Variants in MNDA observed in about 807,000 individuals in gnomAD.
MNDA encodes myeloid cell nuclear differentiation antigen.
MNDA carries 43 observed loss-of-function variants against 37.8 expected under a neutral mutation model. The observed-to-expected ratio is 1.14, with a 90% CI of 0.89 to 1.47. The LOEUF (loss-of-function observed/expected upper bound fraction) is 1.47. Ranked by LOEUF, MNDA falls within the 40% of genes most tolerant of loss-of-function variation. The pLI, the probability that MNDA is intolerant of heterozygous loss-of-function variation, is 0.00. For synonymous variants in MNDA, 181 were observed against 169.0 expected, an observed-to-expected ratio of 1.07 and a Z score of -0.55; for missense variants, 536 against 476.0, an observed-to-expected ratio of 1.13 and a Z score of -1.17.
Position 158,845,955 on chromosome 1 carries a change from C to T in MNDA, c.939C>T (p.Tyr313=). 6.2e-7 allele frequency: 1 copy of T among 1,614,054 alleles called. No individual in the cohort carries two copies. Among genetic ancestry groups the T allele is most frequent in the Non-Finnish European group, 8.5e-7 (1 of 1,179,966 alleles). The change falls in exon 5 of 7, where the codon TAC becomes TAT. Residue 313 remains tyrosine, a synonymous_variant. Coordinates refer to ENST00000368141, the MANE Select transcript of MNDA (RefSeq NM_002432.3). ...ANKTPKISQL[Y]KQASGTMVYG... ...AAACTCCCAAGATCAGTCAACTTTA[C>T]AAGCAAGCATCTGGAACAATGGTGT...
chr1:158,832,114 T>C (rs1387635142), intron 1 of MNDA, among the ~76,000 whole-genome samples: 1 of 152,132 alleles, frequency 6.6e-6, no homozygotes, highest in African/African-American at 2.4e-5. Context: ...GAAGAAATAA[T>C]TCTCTTTTTC....
chr1:158,848,183 G>C (rs1280104271), intron 6 of MNDA, among the ~76,000 whole-genome samples: 2 of 152,114 alleles, frequency 1.3e-5, no homozygotes, highest in African/African-American at 2.4e-5. Flanking sequence ...CAAGAGCAAG[G>C]GTTCTGAATA....
chr1:158,844,489 A>G (rs968887191), intron 4 of MNDA, among the ~76,000 whole-genome samples: 2 of 149,796 alleles, frequency 1.3e-5, no homozygotes, highest in East Asian at 2.0e-4. Flanking sequence ...TGCAACTCAA[A>G]TAGGCCAGGA....
At position 158,848,719 on chromosome 1, in the gene MNDA, C is replaced by A. The variant is rs74122495; in HGVS notation, c.1177-471C>A. ...CTATCTATGGAGTTGCATTACAGAGCAATTAGGCTTGGGGCAGAGATATCT... is the reference window on the plus strand; with the variant it reads ...CTATCTATGGAGTTGCATTACAGAGAAATTAGGCTTGGGGCAGAGATATCT... On this transcript the variant is annotated intron_variant, in intron 6 of 6. Transcript: ENST00000368141. 3.3e-3 allele frequency among the ~76,000 whole-genome samples: 496 copies of A among 152,174 alleles called. 6 individuals carry two copies. Among genetic ancestry groups the A allele is most frequent in the African/African-American group, 0.012 (480 of 41,530 alleles).
chr1:158,839,003 T>C (rs1470258442), intron 1 of MNDA, among the ~76,000 whole-genome samples: 1 of 152,196 alleles, frequency 6.6e-6, no homozygotes, highest in African/African-American at 2.4e-5. Context: ...TGTCTCTACC[T>C]ATTTTCCTTT....
intron 1 of MNDA, among the ~76,000 whole-genome samples, chr1:158,833,562 ATG>A (rs1658848086): frequency 6.6e-6 from 1 of 152,140 alleles, no homozygotes; most frequent in Non-Finnish European, 1.5e-5. Context: ...CTCTTCATAT[ATG>A]TTTAATCATA....
chr1:158,834,725 TTTTG>T (rs1658873951), intron 1 of MNDA, among the ~76,000 whole-genome samples: 1 of 152,216 alleles, frequency 6.6e-6, no homozygotes, highest in Non-Finnish European at 1.5e-5. Flanking sequence ...AGCCTTTCCC[TTTTG>T]TTTTATTCTG....
intron 5 of MNDA, among the ~76,000 whole-genome samples, 174 bp downstream of exon 5, chr1:158,846,177 C>T (rs1040179072): frequency 1.3e-5 from 2 of 152,102 alleles, no homozygotes; most frequent in African/African-American, 4.8e-5. Context: ...AACTTTCTTA[C>T]GCCAAAATAA....
At chr1:158,839,256 A>T (rs935682446) in intron 1 of MNDA, among the ~76,000 whole-genome samples, 3 of 152,220 alleles carry the variant, frequency 2.0e-5, no homozygotes, top group African/African-American at 4.8e-5. Context: ...TATGAAATAT[A>T]AACGTTCTCT....
intron 3 of MNDA, among the ~76,000 whole-genome samples, chr1:158,843,716 C>T (rs1476199482): frequency 6.6e-6 from 1 of 152,180 alleles, no homozygotes; most frequent in African/African-American, 2.4e-5. Flanking sequence ...CATCACACCA[C>T]AGTGGTGATA....
In MNDA at chr1:158,842,418, G is replaced by A. The variant is rs750351527; in HGVS notation, c.265G>A (p.Val89Ile). The change falls in exon 2 of 7, where the codon GTT becomes ATT. Residue 89 changes from valine to isoleucine, a missense_variant and splice_region_variant. Physicochemically the swap from Val to Ile is conservative, Grantham distance 29. Coordinates refer to ENST00000368141, the MANE Select transcript of MNDA (RefSeq NM_002432.3). ...CAATCTTCGAAAAGAGAAGTCAAAAGGTAATAGAGAAAACCTTGCACATAG... is the reference window on the plus strand; with the variant it reads ...CAATCTTCGAAAAGAGAAGTCAAAAAGTAATAGAGAAAACCTTGCACATAG... ...VNNLRKEKSK[V>I]AKKIKTQEKA... is the part of the protein sequence containing the mutation. 6.2e-7 allele frequency: 1 copy of A among 1,608,244 alleles called. No homozygotes were observed. Among genetic ancestry groups the A allele is most frequent in the Non-Finnish European group, 8.5e-7 (1 of 1,177,726 alleles).
intron 1 of MNDA, among the ~76,000 whole-genome samples, chr1:158,841,157 T>G (rs774097898): frequency 7.9e-5 from 12 of 152,130 alleles, no homozygotes; most frequent in Non-Finnish European, 1.5e-4. Flanking sequence ...CTTTCCCAGA[T>G]AGCAGGAAGG....
At position 158,845,912 on chromosome 1, in the gene MNDA, T is replaced by C. The variant is rs778942473; in HGVS notation, c.896T>C (p.Ile299Thr). ...CAAAATTTTGAGGTCCCAAACAGAA[T>C]TATCGAAATAGCAAATAAAACTCCC... ...FNQNFEVPNR[I>T]IEIANKTPKI... The change falls in exon 5 of 7, where the codon ATT becomes ACT. Residue 299 changes from isoleucine to threonine, a missense_variant. Physicochemically the swap from Ile to Thr is moderately conservative, Grantham distance 89. Coordinates refer to ENST00000368141, the MANE Select transcript of MNDA (RefSeq NM_002432.3). 3.0e-5 allele frequency: 48 copies of C among 1,614,008 alleles called. No homozygotes were observed. The highest frequency in any genetic ancestry group is 4.0e-5 in the Non-Finnish European group (47 of 1,180,026).
At chr1:158,842,572 A>G in intron 2 of MNDA, 154 bp downstream of exon 2, 1 of 668,008 alleles carries the variant, frequency 1.5e-6, no homozygotes, top group Non-Finnish European at 2.6e-6. Context: ...CCAGTTGGCA[A>G]TTTAGAACAT....
intron 2 of MNDA, 95 bp from the exon 3 acceptor site, chr1:158,843,184 G>C: frequency 6.9e-7 from 1 of 1,452,406 alleles, no homozygotes; most frequent in Non-Finnish European, 9.2e-7. Context: ...TCTCATGCAG[G>C]AGCTGACAGC....
At chr1:158,849,138 C>T in intron 6 of MNDA, 52 bp from the exon 7 acceptor site, 1 of 1,402,726 alleles carries the variant, frequency 7.1e-7, no homozygotes, top group African/African-American at 1.4e-5. Flanking sequence ...ATAAGCAGAG[C>T]TTCATTTCAA....
chr1:158,848,875 C>T (rs1659194847), intron 6 of MNDA, among the ~76,000 whole-genome samples: 2 of 151,966 alleles, frequency 1.3e-5, no homozygotes, highest in Admixed American at 6.6e-5. Flanking sequence ...ATATGTATGC[C>T]ACCAGACTCT....
intron 1 of MNDA, among the ~76,000 whole-genome samples, chr1:158,833,862 T>TA (rs1213152402): frequency 1.3e-5 from 2 of 152,238 alleles, no homozygotes; most frequent in Admixed American, 6.5e-5. Flanking sequence ...TTTGGGAATA[T>TA]ATCTAGAAGT....
intron 1 of MNDA, among the ~76,000 whole-genome samples, chr1:158,839,409 T>C (rs1248473319): frequency 6.6e-6 from 1 of 152,174 alleles, no homozygotes; most frequent in Non-Finnish European, 1.5e-5. Flanking sequence ...TCTACTGTAT[T>C]CCTCTATCCA....
Sources: gnomAD v4.1 joint callset for allele counts (sites outside exome capture counted in the v4.1 genomes callset) on GRCh38, gnomAD v4.1.1 for gene constraint, MANE v1.5 for transcripts, NCBI Gene and HGNC (gene_info 2026-07-23, HGNC 2026-07-21) for gene names.